JOSD1: variants seen among roughly 807,000 people sequenced by gnomAD.
JOSD1 encodes Josephin domain containing 1, also known as josephin-1.
In JOSD1, 11 loss-of-function variants were observed where a neutral mutation model predicts 24.3. The ratio of observed to expected loss-of-function variants is 0.45; its 90% CI spans 0.29 to 0.75. The LOEUF (loss-of-function observed/expected upper bound fraction) is 0.75, where lower values mean the gene tolerates loss of function less well. JOSD1 is among the 30% of genes least tolerant of loss of function. JOSD1 has a pLI of 0.11. For synonymous variants in JOSD1, 106 were observed against 93.8 expected (o/e 1.13, Z -0.75); for missense variants, 184 against 253.5 (o/e 0.73, Z 1.86).
intron 4 of JOSD1, among the ~76,000 whole-genome samples, chr22:38,688,301 C>A (rs1189970286): frequency 1.3e-5 from 2 of 152,148 alleles, no homozygotes; most frequent in African/African-American, 4.8e-5. Context: ...TCGCTCTTGT[C>A]GCCTGGGCTG....
Position 38,700,076 on chromosome 22 carries a change from T to A in JOSD1, c.-89A>T. On this transcript the variant is annotated 5_prime_UTR_variant, in exon 2 of 5. Coordinates refer to ENST00000683374, the MANE Select transcript of JOSD1 (RefSeq NM_001360236.2). Reference sequence around the variant, plus strand: ...GTAAGCTTCTCAGTCTTTTCCGGATTCCTGAGGTCCACCTTATTCTCTGGT... The same window carrying A: ...GTAAGCTTCTCAGTCTTTTCCGGATACCTGAGGTCCACCTTATTCTCTGGT... The A allele has an allele frequency of 6.7e-7, 1 of 1,498,600 alleles. No individual in the cohort carries two copies. The highest frequency in any genetic ancestry group is 8.9e-7 in the Non-Finnish European group (1 of 1,126,870). The allele number at this position is 1,498,600 out of a possible 1,614,324, so 92.8% of individuals were successfully genotyped here.
Position 38,700,423 on chromosome 22 carries a change from C to T in JOSD1, c.-436G>A. ...CTTCCATTTCTTTTGAACCACGACGCCAATGACTCGGGAGACAAGGCCTGG... is the reference window on the plus strand; with the variant it reads ...CTTCCATTTCTTTTGAACCACGACGTCAATGACTCGGGAGACAAGGCCTGG... On this transcript the variant is annotated 5_prime_UTR_variant, in exon 2 of 5. Coordinates refer to ENST00000683374, the MANE Select transcript of JOSD1 (RefSeq NM_001360236.2). The T allele has an allele frequency of 1.0e-6, 1 of 987,968 alleles. No individual in the cohort carries two copies. Among genetic ancestry groups the T allele is most frequent in the Non-Finnish European group, 1.2e-6 (1 of 831,476 alleles). 61.2% of individuals were successfully genotyped at this position (987,968 alleles called of 1,614,324 possible).
At position 38,700,214 on chromosome 22, in the gene JOSD1, T is replaced by C; in HGVS notation, c.-227A>G. 8.2e-7 allele frequency: 1 copy of C among 1,221,758 alleles called. No individual in the cohort carries two copies. The highest frequency in any genetic ancestry group is 1.0e-6 in the Non-Finnish European group (1 of 979,064). The allele number at this position is 1,221,758 out of a possible 1,614,324, so 75.7% of individuals were successfully genotyped here. On this transcript the variant is annotated 5_prime_UTR_variant, in exon 2 of 5. Transcript: ENST00000683374. The stretch of plus-strand genomic sequence containing the variant: ...AAAATAACTTTTGGATTACTTTTAT[T>C]TTGCTACCACTGTCAAAGTGCAGAA...
At position 38,689,062 on chromosome 22, in the gene JOSD1, A is replaced by T. The variant is rs775763171; in HGVS notation, c.382T>A (p.Trp128Arg). ...TTGAGGGGCAGTTTCAGTGGACCCCAGCATAGGCTGGAGGGCAGATTCATG... is the reference window on the plus strand; with the variant it reads ...TTGAGGGGCAGTTTCAGTGGACCCCTGCATAGGCTGGAGGGCAGATTCATG... ...FIMNLPSSLCWGPLKLPLKRQ... is the reference protein window; with the variant it reads ...FIMNLPSSLCRGPLKLPLKRQ... The change falls in exon 4 of 5, where the codon TGG becomes AGG. Residue 128 changes from tryptophan (W) to arginine (R), a missense_variant. Physicochemically the swap from Trp to Arg is moderately radical, Grantham distance 101. Coordinates refer to ENST00000683374, the MANE Select transcript of JOSD1 (RefSeq NM_001360236.2). The T allele has an allele frequency of 6.2e-7, 1 of 1,614,226 alleles. No homozygotes were observed. Among genetic ancestry groups the T allele is most frequent in the South Asian group, 1.1e-5 (1 of 91,084 alleles).
chr22:38,687,873 T>TGG lies in JOSD1; in HGVS notation c.*28_*29insCC. On this transcript the variant is annotated 3_prime_UTR_variant, in exon 5 of 5. Coordinates refer to ENST00000683374, the MANE Select transcript of JOSD1 (RefSeq NM_001360236.2). ...GCACGTCACAGAGGACTGAAGGGGCTGAGGCGAGAGGGAGGTTGGGCAGAA... is the reference window on the plus strand; with the variant it reads ...GCACGTCACAGAGGACTGAAGGGGCTGGGAGGCGAGAGGGAGGTTGGGCAGAA... 1 of 1,490,298 alleles carries TGG rather than the reference T, an allele frequency of 6.7e-7. No individual in the cohort carries two copies. Among genetic ancestry groups the TGG allele is most frequent in the South Asian group, 1.1e-5 (1 of 88,400 alleles). The allele number at this position is 1,490,298 out of a possible 1,614,324, so 92.3% of individuals were successfully genotyped here.
At chr22:38,688,791 G>C (rs1246885060) in intron 4 of JOSD1, 144 bp downstream of exon 4, 1 of 779,970 alleles carries the variant, frequency 1.3e-6, no homozygotes, top group Admixed American at 2.4e-5. Flanking sequence ...GGTCAGGTCC[G>C]AGACACTATG....
intron 2 of JOSD1, among the ~76,000 whole-genome samples, chr22:38,694,863 CAAAAA>C (rs55844316): frequency 2.5e-5 from 2 of 80,776 alleles, no homozygotes; most frequent in African/African-American, 4.5e-5. Context: ...GACTCAGTCT[CAAAAA>C]AAAAAAAAAA....
chr22:38,700,595 G>C lies in JOSD1; in HGVS notation c.-608C>G, dbSNP rs1402444158. 8 of 985,166 alleles carry C rather than the reference G, an allele frequency of 8.1e-6. No individual in the cohort carries two copies. The highest frequency in any genetic ancestry group is 7.0e-5 in the African/African-American group (4 of 57,224). The allele number at this position is 985,166 out of a possible 1,614,324, so 61.0% of individuals were successfully genotyped here. On this transcript the variant is annotated 5_prime_UTR_variant, in exon 2 of 5. It adds an upstream start codon to the 5' untranslated region. Transcript: ENST00000683374. ...GGGCGCGGCTCCCTCGGAAGGCGCG[G>C]ATTCTAGCCCTCTGGCCGCGGCCCT...
intron 2 of JOSD1, among the ~76,000 whole-genome samples, chr22:38,699,434 G>C (rs2092558220): frequency 6.6e-6 from 1 of 152,198 alleles, no homozygotes; most frequent in African/African-American, 2.4e-5. Context: ...AGGCATTATA[G>C]CATAGTGGTC....
intron 2 of JOSD1, among the ~76,000 whole-genome samples, chr22:38,695,850 G>A (rs927296617): frequency 9.9e-5 from 15 of 152,180 alleles, no homozygotes; most frequent in African/African-American, 2.9e-4. Context: ...GAGGTCAGGA[G>A]TTTCAGACCA....
Position 38,688,963 on chromosome 22 carries a change from C to T in JOSD1, c.481G>A (p.Glu161Lys), listed in dbSNP as rs754787523. The T allele has an allele frequency of 1.9e-5, 31 of 1,613,894 alleles. No homozygotes were observed. Among genetic ancestry groups the T allele is most frequent in the African/African-American group, 2.7e-5 (2 of 74,934 alleles). The change falls in exon 4 of 5, where the codon GAG (glutamate) becomes AAG (lysine). Residue 161 changes from glutamate to lysine, a missense_variant. Transcript: ENST00000683374. ...YNLDSKLKMP[E>K]WIGGESELRK... ...AGCTCGCTCTCGCCTCCAATCCACT[C>T]GGGCATCTTGAGTTTGGAGTCGAGG...
chr22:38,700,635 A>T lies in JOSD1; in HGVS notation c.-631-17T>A. On this transcript the variant is annotated splice_polypyrimidine_tract_variant and intron_variant, in intron 1 of 4. Transcript: ENST00000683374. ...GCCGCGGCCCTGCGGAGGAGGAGAC[A>T]ACTCCGGTCAGCGGCGAGCGGGCGC... 1 of 984,232 alleles carries T rather than the reference A, an allele frequency of 1.0e-6. No homozygotes were observed. Among genetic ancestry groups the T allele is most frequent in the Non-Finnish European group, 1.2e-6 (1 of 828,918 alleles). 61.0% of individuals were successfully genotyped at this position (984,232 alleles called of 1,614,324 possible).
chr22:38,691,547 C>T (rs1237611879), intron 2 of JOSD1, among the ~76,000 whole-genome samples: 7 of 152,164 alleles, frequency 4.6e-5, no homozygotes, highest in South Asian at 2.1e-4. Flanking sequence ...TCTTACTGTT[C>T]CCTAAAAACA....
At chr22:38,691,201 C>T (rs534850718) in intron 2 of JOSD1, among the ~76,000 whole-genome samples, 13 of 151,646 alleles carry the variant, frequency 8.6e-5, no homozygotes, top group African/African-American at 3.1e-4. Flanking sequence ...ACTGTCTCTG[C>T]AAAAAATACA....
At chr22:38,692,648 G>T (rs1447748501) in intron 2 of JOSD1, among the ~76,000 whole-genome samples, 1 of 151,734 alleles carries the variant, frequency 6.6e-6, no homozygotes, top group Non-Finnish European at 1.5e-5. Context: ...AGGTGTGGTG[G>T]CAGGTGCCTG....
Position 38,700,572 on chromosome 22 carries a change from G to GC in JOSD1, c.-586dup, listed in dbSNP as rs1239932807. The stretch of plus-strand genomic sequence containing the variant: ...CCTCGGGTACGGTGGGGCCCGCAGG[G>GC]CGCGGCTCCCTCGGAAGGCGCGGAT... On this transcript the variant is annotated 5_prime_UTR_variant, in exon 2 of 5. Transcript: ENST00000683374. 1 of 985,226 alleles carries GC rather than the reference G, an allele frequency of 1.0e-6. No individual in the cohort carries two copies. Among genetic ancestry groups the GC allele is most frequent in the Non-Finnish European group, 1.2e-6 (1 of 829,822 alleles). The allele number at this position is 985,226 out of a possible 1,614,324, so 61.0% of individuals were successfully genotyped here.
At position 38,700,889 on chromosome 22, in the gene JOSD1, T is replaced by C. The variant is rs1251223941; in HGVS notation, c.-721A>G. Reference sequence around the variant, plus strand: ...CAGGGCCGCCGGGACTGCTCGCCGCTGGCGGTCCCCTCACCGCAGCCGGCC... The same window carrying C: ...CAGGGCCGCCGGGACTGCTCGCCGCCGGCGGTCCCCTCACCGCAGCCGGCC... On this transcript the variant is annotated 5_prime_UTR_variant, in exon 1 of 5. Transcript: ENST00000683374. 6.1e-6 allele frequency: 6 copies of C among 984,102 alleles called. No individual in the cohort carries two copies. Among genetic ancestry groups the C allele is most frequent in the African/African-American group, 1.8e-5 (1 of 57,070 alleles). 61.0% of individuals were successfully genotyped at this position (984,102 alleles called of 1,614,324 possible). A position where few individuals can be genotyped will look rare whatever the true frequency, so the allele number is the denominator to read the frequency against.
At position 38,700,007 on chromosome 22, in the gene JOSD1, A is replaced by C. The variant is rs774378519; in HGVS notation, c.-20T>G. 4 of 1,573,518 alleles carry C rather than the reference A, an allele frequency of 2.5e-6. No homozygotes were observed. In the Admixed American group the frequency reaches 7.4e-5, roughly 29 times the overall value. The stretch of plus-strand genomic sequence containing the variant: ...ACTCATGTTTTTTGTTTTAGGTTCC[A>C]GAGATGGCTATAAACACCCCACTCT... On this transcript the variant is annotated 5_prime_UTR_variant, in exon 2 of 5. Coordinates refer to ENST00000683374, the MANE Select transcript of JOSD1 (RefSeq NM_001360236.2).
At chr22:38,696,549 T>C (rs2092547046) in intron 2 of JOSD1, among the ~76,000 whole-genome samples, 1 of 152,208 alleles carries the variant, frequency 6.6e-6, no homozygotes, top group African/African-American at 2.4e-5. Flanking sequence ...CCACATTCTT[T>C]ATATAAAATG....
Sources: gnomAD v4.1 joint callset for allele counts (sites outside exome capture counted in the v4.1 genomes callset) on GRCh38, gnomAD v4.1.1 for gene constraint, MANE v1.5 for transcripts, NCBI Gene and HGNC (gene_info 2026-07-23, HGNC 2026-07-21) for gene names.